CLCN4: variants seen among roughly 807,000 people sequenced by gnomAD.
The protein encoded by CLCN4 is Cl-/H+ antiporter 4.
CLCN4 carries 1 observed loss-of-function variant against 41.7 expected under a neutral mutation model. That is an observed-to-expected ratio of 0.02 (90% CI 0.01 to 0.11). The LOEUF (loss-of-function observed/expected upper bound fraction) is 0.11. CLCN4 is among the 10% of genes least tolerant of loss of function. The pLI, the probability that CLCN4 is intolerant of heterozygous loss-of-function variation, is 1.00. For missense variants in CLCN4, 287 were observed against 661.0 expected, an observed-to-expected ratio of 0.43 and a Z score of 6.20; for synonymous variants, 277 against 285.8, an observed-to-expected ratio of 0.97 and a Z score of 0.31.
intron 11 of CLCN4, among the ~76,000 whole-genome samples, chrX:10,218,616 G>A (rs1167415521): frequency 8.9e-6 from 1 of 112,729 alleles, no homozygotes; most frequent in Non-Finnish European, 1.9e-5. Context: ...GAGAGCAGAT[G>A]TTTCACCCTG....
In CLCN4 at chrX:10,234,493, G is replaced by C. The variant is rs1191407733; in HGVS notation, c.*909G>C. On this transcript the variant is annotated 3_prime_UTR_variant, in exon 13 of 13. Transcript: ENST00000380833. The stretch of plus-strand genomic sequence containing the variant: ...GGTATGCCCCCAGCCTGCCATAAGC[G>C]TGCTTTCATTTTCAAGTAGCATATG... 3 of 112,832 alleles carry C rather than the reference G, an allele frequency of 2.7e-5. No individual in the cohort carries two copies. In the Admixed American group the frequency reaches 2.8e-4, roughly 11 times the overall value. The allele number at this position is 112,832 out of a possible 1,213,427, so 9.3% of individuals were successfully genotyped here. A position where few individuals can be genotyped will look rare whatever the true frequency, so the allele number is the denominator to read the frequency against.
chrX:10,172,667 G>A (rs371500736), intron 2 of CLCN4, among the ~76,000 whole-genome samples: 11 of 85,894 alleles, frequency 1.3e-4, no homozygotes, highest in African/African-American at 5.1e-4. Context: ...GTATGTGAGA[G>A]AGAGAGAGAG....
intron 2 of CLCN4, among the ~76,000 whole-genome samples, chrX:10,183,065 C>G (rs752140569): frequency 7.2e-5 from 8 of 111,700 alleles, no homozygotes; most frequent in Non-Finnish European, 1.5e-4. Flanking sequence ...CTTGTTTTTC[C>G]CATCAGAGAT....
intron 2 of CLCN4, among the ~76,000 whole-genome samples, chrX:10,180,594 A>C (rs1270767518): frequency 1.8e-5 from 2 of 108,901 alleles, no homozygotes; most frequent in Non-Finnish European, 3.8e-5. Flanking sequence ...ATGGAGAAAC[A>C]CCATCTCTAC....
At chrX:10,182,786 A>G (rs1212535747) in intron 2 of CLCN4, among the ~76,000 whole-genome samples, 1 of 112,471 alleles carries the variant, frequency 8.9e-6, no homozygotes, top group African/African-American at 3.2e-5. Context: ...CTGGGTCCCC[A>G]GGGAAGTCCT....
intron 2 of CLCN4, among the ~76,000 whole-genome samples, chrX:10,159,969 G>T (rs1821297416): frequency 9.0e-6 from 1 of 110,783 alleles, no homozygotes. Context: ...TTAGGTCAGG[G>T]TGTCTCAACC....
chrX:10,216,918 T>TATATATATATATATCTATATATATAC (rs773265490), intron 11 of CLCN4, among the ~76,000 whole-genome samples: 2 of 38,931 alleles, frequency 5.1e-5, no homozygotes, highest in African/African-American at 2.2e-4. Context: ...TATATATATA[T>TATATATATATATATCTATATATATAC]ACACACACAC....
intron 2 of CLCN4, among the ~76,000 whole-genome samples, chrX:10,177,160 A>T (rs1923555133): frequency 8.9e-6 from 1 of 112,772 alleles, no homozygotes; most frequent in Non-Finnish European, 1.9e-5. Flanking sequence ...TGAAGATGAT[A>T]TGGAATTCAT....
At position 10,213,648 on chromosome X, in the gene CLCN4, A is replaced by C. The variant is rs773177598; in HGVS notation, c.1577-33A>C. ...TGCTTCCGTGAGCTGCCCGGCTTGC[A>C]CTTTGGAATCTTACTCCTCCCCTCT... On this transcript the variant is annotated intron_variant, in intron 10 of 12. Coordinates refer to ENST00000380833, the MANE Select transcript of CLCN4 (RefSeq NM_001830.4). The C allele has an allele frequency of 5.1e-6, 6 of 1,170,130 alleles. No homozygotes were observed. In the South Asian group the frequency reaches 5.7e-5, roughly 11 times the overall value.
intron 6 of CLCN4, among the ~76,000 whole-genome samples, chrX:10,205,472 C>CAAAAAAAA (rs758694004): frequency 1.9e-5 from 1 of 52,998 alleles, no homozygotes; most frequent in African/African-American, 7.0e-5. Context: ...GACTCCATCT[C>CAAAAAAAA]AAAAAAAAAA....
chrX:10,167,537 C>T (rs946148624), intron 2 of CLCN4, among the ~76,000 whole-genome samples: 3 of 112,041 alleles, frequency 2.7e-5, no homozygotes, highest in African/African-American at 9.8e-5. Flanking sequence ...CAATAGGATA[C>T]CGTGGAAGCG....
intron 12 of CLCN4, among the ~76,000 whole-genome samples, chrX:10,224,293 C>T (rs865997904): frequency 1.1e-5 from 1 of 87,898 alleles, no homozygotes. Context: ...GGGAGGGTTC[C>T]GTGTGTGTGT....
At chrX:10,193,044 T>C (rs1160436512) in intron 4 of CLCN4, among the ~76,000 whole-genome samples, 3 of 111,970 alleles carry the variant, frequency 2.7e-5, no homozygotes, top group Non-Finnish European at 5.6e-5. Flanking sequence ...AGATATCTAG[T>C]AGACCCAAGA....
At chrX:10,221,467 C>T (rs1240482105) in intron 12 of CLCN4, among the ~76,000 whole-genome samples, 2 of 110,751 alleles carry the variant, frequency 1.8e-5, no homozygotes, top group Non-Finnish European at 3.8e-5. Context: ...TCGAGACCAG[C>T]CTGGGTCGCA....
In CLCN4 at chrX:10,177,881, G is replaced by A. The variant is rs371686792; in HGVS notation, c.-11-7141G>A. Among the ~76,000 whole-genome samples, 14 of 111,619 alleles carry A rather than the reference G, an allele frequency of 1.3e-4. No homozygotes were observed. The South Asian group carries it at 5.3e-3, about 42-fold the overall frequency. Reference sequence around the variant, plus strand: ...AAAAGTAGAAACAACCCAAATGGCCGTCAGCTGATGAGTGGATAAACAAAA... The same window carrying A: ...AAAAGTAGAAACAACCCAAATGGCCATCAGCTGATGAGTGGATAAACAAAA... On this transcript the variant is annotated intron_variant, in intron 2 of 12. Coordinates refer to ENST00000380833, the MANE Select transcript of CLCN4 (RefSeq NM_001830.4).
At chrX:10,181,049 A>C (rs1013752262) in intron 2 of CLCN4, among the ~76,000 whole-genome samples, 1 of 110,460 alleles carries the variant, frequency 9.1e-6, no homozygotes, top group Non-Finnish European at 1.9e-5. Flanking sequence ...ATGAGACCCC[A>C]GTACCAGGAT....
chrX:10,225,711 C>A (rs946278731), intron 12 of CLCN4, among the ~76,000 whole-genome samples: 5 of 111,481 alleles, frequency 4.5e-5, no homozygotes, highest in Non-Finnish European at 9.4e-5. Context: ...TTTTTCTAGG[C>A]TTTTTATCGT....
intron 2 of CLCN4, among the ~76,000 whole-genome samples, chrX:10,162,153 G>A (rs1183924212): frequency 2.7e-5 from 3 of 109,814 alleles, no homozygotes; most frequent in Non-Finnish European, 5.7e-5. Context: ...CTAGTAGCTA[G>A]GAATACAGGG....
chrX:10,183,432 A>G (rs1033600202), intron 2 of CLCN4, among the ~76,000 whole-genome samples: 3 of 112,358 alleles, frequency 2.7e-5, no homozygotes, highest in African/African-American at 9.7e-5. Flanking sequence ...ATATAAATAC[A>G]TGAGAGAAGC....
Sources: gnomAD v4.1 joint callset for allele counts (sites outside exome capture counted in the v4.1 genomes callset) on GRCh38, gnomAD v4.1.1 for gene constraint, MANE v1.5 for transcripts, NCBI Gene and HGNC (gene_info 2026-07-23, HGNC 2026-07-21) for gene names.